The following KIAA1328 variants were observed in gnomAD, a reference collection of about 807,000 sequenced individuals.
KIAA1328 encodes the protein KIAA1328, also known as protein hinderin.
KIAA1328 carries 52 observed loss-of-function variants against 68.1 expected under a neutral mutation model. The ratio of observed to expected loss-of-function variants is 0.76; its 90% confidence interval spans 0.61 to 0.96. The LOEUF is 0.96. KIAA1328 is among the 40% of genes least tolerant of loss of function. The probability of loss-of-function intolerance (pLI) is 0.00; values close to 1 mark genes in which losing one functional copy is unlikely to be tolerated. For synonymous variants in KIAA1328, 232 were observed against 239.4 expected (o/e 0.97, Z 0.28); for missense variants, 641 against 677.6 (o/e 0.95, Z 0.60).
intron 7 of KIAA1328, among the ~76,000 whole-genome samples, chr18:37,095,114 T>A (rs2057368532): frequency 6.6e-6 from 1 of 152,104 alleles, no homozygotes; most frequent in South Asian, 2.1e-4. Flanking sequence ...AAGAGAGAAA[T>A]AGCCCTAAAT....
chr18:36,890,468 C>G (rs2048647602), intron 5 of KIAA1328, among the ~76,000 whole-genome samples: 1 of 151,986 alleles, frequency 6.6e-6, no homozygotes, highest in African/African-American at 2.4e-5. Flanking sequence ...GTTAGGAGTT[C>G]GAGACCAGCC....
At chr18:36,897,981 G>A (rs1474075390) in intron 5 of KIAA1328, among the ~76,000 whole-genome samples, 1 of 151,922 alleles carries the variant, frequency 6.6e-6, no homozygotes, top group African/African-American at 2.4e-5. Flanking sequence ...TTATCTCAAT[G>A]AAATAAGAAG....
At chr18:36,990,186 A>G (rs1568261273) in intron 6 of KIAA1328, among the ~76,000 whole-genome samples, 2 of 152,124 alleles carry the variant, frequency 1.3e-5, no homozygotes, top group African/African-American at 4.8e-5. Context: ...TTTAAGAAAA[A>G]TGGTCTAATC....
intron 7 of KIAA1328, 116 bp downstream of exon 7, chr18:37,067,661 A>G (rs8088525): frequency 0.17 from 185,087 of 1,105,474 alleles, 17,305 homozygotes; most frequent in Non-Finnish European, 0.19. Flanking sequence ...CCCGAGTTCA[A>G]GCAGTTCTCT....
chr18:37,160,992 T>C (rs768452571), intron 8 of KIAA1328, among the ~76,000 whole-genome samples: 2 of 152,222 alleles, frequency 1.3e-5, no homozygotes, highest in Non-Finnish European at 2.9e-5. Context: ...GCTTAATCTT[T>C]CCTGGCATCC....
intron 6 of KIAA1328, among the ~76,000 whole-genome samples, chr18:37,062,618 G>C (rs2056195459): frequency 1.3e-5 from 2 of 151,970 alleles, no homozygotes; most frequent in Non-Finnish European, 2.9e-5. Context: ...ACCACGCCCA[G>C]CTAATTTTTT....
chr18:37,226,350 T>C (rs547527938), downstream of KIAA1328, among the ~76,000 whole-genome samples: 163 of 152,236 alleles, frequency 1.1e-3, 3 homozygotes, highest in African/African-American at 3.9e-3. Context: ...ATTTAAAGTG[T>C]ACAGTTCAGT....
chr18:36,842,394 T>G (rs1218704092), intron 3 of KIAA1328, among the ~76,000 whole-genome samples: 1 of 152,178 alleles, frequency 6.6e-6, no homozygotes, highest in Non-Finnish European at 1.5e-5. Context: ...GAAGTAGCCT[T>G]CCTTCTTTCT....
Position 36,970,020 on chromosome 18 carries a change from G to A in KIAA1328, c.576+10585G>A, listed in dbSNP as rs368302723. ...ACACAGCAAAAAATGAAAATTTCAGGCCAATATCCCCAATGAACATTGATG... is the reference window on the plus strand; with the variant it reads ...ACACAGCAAAAAATGAAAATTTCAGACCAATATCCCCAATGAACATTGATG... On this transcript the variant is annotated intron_variant, in intron 6 of 9. Coordinates refer to ENST00000280020, the MANE Select transcript of KIAA1328 (RefSeq NM_020776.3). Among the ~76,000 whole-genome samples, 39 of 152,244 alleles carry A rather than the reference G, an allele frequency of 2.6e-4. No individual in the cohort carries two copies. In the South Asian group the frequency reaches 7.5e-3, roughly 29 times the overall value.
At chr18:37,132,701 C>G (rs537677092) in intron 7 of KIAA1328, among the ~76,000 whole-genome samples, 1 of 152,116 alleles carries the variant, frequency 6.6e-6, no homozygotes, top group African/African-American at 2.4e-5. Context: ...GAATAGGGCT[C>G]CTTTTCAAAC....
intron 6 of KIAA1328, among the ~76,000 whole-genome samples, chr18:36,998,681 G>A (rs550421193): frequency 6.6e-6 from 1 of 152,104 alleles, no homozygotes; most frequent in African/African-American, 2.4e-5. Context: ...ACCATTTACA[G>A]CCAAAGAAAT....
intron 4 of KIAA1328, among the ~76,000 whole-genome samples, chr18:36,880,937 T>C (rs543435435): frequency 9.8e-5 from 15 of 152,292 alleles, no homozygotes; most frequent in African/African-American, 3.6e-4. Context: ...GTTAGACATA[T>C]TATCTTTTTA....
chr18:37,072,036 A>G (rs1224537649), intron 7 of KIAA1328, among the ~76,000 whole-genome samples: 1 of 152,210 alleles, frequency 6.6e-6, no homozygotes, highest in Non-Finnish European at 1.5e-5. Context: ...CAAATTTAAA[A>G]TAAGTTACAG....
At chr18:37,115,108 C>T (rs2058064742) in intron 7 of KIAA1328, among the ~76,000 whole-genome samples, 1 of 152,194 alleles carries the variant, frequency 6.6e-6, no homozygotes, top group Non-Finnish European at 1.5e-5. Flanking sequence ...GGTACCATTC[C>T]TTCTGAAACT....
intron 6 of KIAA1328, among the ~76,000 whole-genome samples, chr18:37,052,082 A>C (rs565686320): frequency 7.0e-4 from 107 of 152,190 alleles, no homozygotes; most frequent in Middle Eastern, 3.4e-3. Context: ...TGATTAACAT[A>C]GGTAGAGATT....
chr18:36,958,623 A>G (rs1460112164), intron 5 of KIAA1328, among the ~76,000 whole-genome samples: 1 of 151,876 alleles, frequency 6.6e-6, no homozygotes, highest in Non-Finnish European at 1.5e-5. Context: ...CTTCTTGGCC[A>G]TTTGCATATT....
At chr18:37,001,859 A>G (rs1046622281) in intron 6 of KIAA1328, among the ~76,000 whole-genome samples, 4 of 152,202 alleles carry the variant, frequency 2.6e-5, no homozygotes, top group Non-Finnish European at 5.9e-5. Flanking sequence ...ATACTTCAAA[A>G]TAATGAAGAT....
chr18:37,072,780 C>G (rs2056581510), intron 7 of KIAA1328, among the ~76,000 whole-genome samples: 1 of 152,108 alleles, frequency 6.6e-6, no homozygotes, highest in South Asian at 2.1e-4. Flanking sequence ...GCCCCTGACT[C>G]CCCAACAGGC....
At chr18:37,107,015 G>A (rs181666419) in intron 7 of KIAA1328, among the ~76,000 whole-genome samples, 41 of 152,210 alleles carry the variant, frequency 2.7e-4, no homozygotes, top group Admixed American at 2.6e-3. Context: ...AGGCCGATGC[G>A]GGCAGATCAC....
Sources: allele counts gnomAD v4.1 joint callset (sites outside exome capture counted in the v4.1 genomes callset), GRCh38; gene constraint gnomAD v4.1.1; transcripts MANE v1.5; gene names NCBI Gene and HGNC (gene_info 2026-07-23, HGNC 2026-07-21).